Variants in FNDC3B observed in about 807,000 individuals in gnomAD.
FNDC3B encodes the protein fibronectin type III domain-containing protein 3B.
Under a neutral mutation model 151.5 loss-of-function variants are expected in FNDC3B, and 12 were observed. The ratio of observed to expected loss-of-function variants is 0.08; its 90% CI spans 0.05 to 0.13. FNDC3B has a LOEUF of 0.13. FNDC3B is among the 10% of genes least tolerant of loss of function. FNDC3B has a pLI of 1.00. For missense variants in FNDC3B, 1,214 were observed against 1,505.3 expected (o/e 0.81, Z 3.20); for synonymous variants, 528 against 549.0 (o/e 0.96, Z 0.54).
chr3:172,330,951 A>G (rs1231476021), intron 13 of FNDC3B, among the ~76,000 whole-genome samples: 4 of 151,746 alleles, frequency 2.6e-5, no homozygotes, highest in Admixed American at 2.6e-4. Flanking sequence ...CCTATATATA[A>G]TCAGAAAATC....
intron 23 of FNDC3B, among the ~76,000 whole-genome samples, chr3:172,373,357 G>A (rs185211387): frequency 3.3e-5 from 5 of 152,300 alleles, no homozygotes; most frequent in African/African-American, 1.2e-4. Context: ...TGGCTGTGGT[G>A]TGATGTCCTA....
chr3:172,293,254 C>A (rs1730432993), intron 7 of FNDC3B, among the ~76,000 whole-genome samples: 2 of 151,938 alleles, frequency 1.3e-5, no homozygotes, highest in Non-Finnish European at 2.9e-5. Flanking sequence ...AGCTAAGTCC[C>A]AGGGGTGTGA....
At chr3:172,066,697 G>GCT (rs1320303153) in intron 1 of FNDC3B, among the ~76,000 whole-genome samples, 1 of 152,186 alleles carries the variant, frequency 6.6e-6, no homozygotes, top group Non-Finnish European at 1.5e-5. Context: ...GGAGTTAGAA[G>GCT]AACATTAACA....
chr3:172,382,984 G>T (rs1203481708), intron 25 of FNDC3B, among the ~76,000 whole-genome samples: 1 of 152,110 alleles, frequency 6.6e-6, no homozygotes, highest in Non-Finnish European at 1.5e-5. Flanking sequence ...ACTTAAAGTA[G>T]GTTTTTTCTG....
intron 1 of FNDC3B, among the ~76,000 whole-genome samples, chr3:172,079,280 T>C (rs1368726675): frequency 6.6e-6 from 1 of 152,168 alleles, no homozygotes; most frequent in African/African-American, 2.4e-5. Flanking sequence ...AAAATAAATG[T>C]GTATTAAGTC....
At chr3:172,278,310 C>T (rs1466203691) in intron 6 of FNDC3B, among the ~76,000 whole-genome samples, 1 of 151,842 alleles carries the variant, frequency 6.6e-6, no homozygotes, top group African/African-American at 2.4e-5. Context: ...CGTTTGTAGA[C>T]TCCCATGCAA....
intron 6 of FNDC3B, among the ~76,000 whole-genome samples, chr3:172,279,977 C>T (rs748037260): frequency 1.6e-4 from 25 of 152,070 alleles, no homozygotes; most frequent in Non-Finnish European, 2.5e-4. Flanking sequence ...GCAGTGGCGC[C>T]ATCTCAGCTC....
chr3:172,247,863 A>G (rs552338875), intron 5 of FNDC3B, 87 bp downstream of exon 5: 17 of 1,435,306 alleles, frequency 1.2e-5, no homozygotes, highest in African/African-American at 1.1e-4. Context: ...TTCTTGTGAA[A>G]TAAGCATAGT....
At chr3:172,382,443 C>T (rs539168644) in intron 25 of FNDC3B, among the ~76,000 whole-genome samples, 1 of 152,058 alleles carries the variant, frequency 6.6e-6, no homozygotes, top group African/African-American at 2.4e-5. Context: ...ATGATAGTTT[C>T]TTTGCTGTGC....
intron 17 of FNDC3B, among the ~76,000 whole-genome samples, chr3:172,342,184 G>C (rs1733359443): frequency 1.3e-5 from 2 of 152,316 alleles, no homozygotes; most frequent in South Asian, 4.1e-4. Flanking sequence ...GATGGTACTA[G>C]GGCATCTAGA....
intron 1 of FNDC3B, among the ~76,000 whole-genome samples, chr3:172,073,977 GTCTGAATTTAGGAGAATGTTGAGTTGCA>G (rs1186421346): frequency 6.6e-6 from 1 of 152,114 alleles, no homozygotes; most frequent in Non-Finnish European, 1.5e-5. Flanking sequence ...CAGGTCATTT[GTCTGAATTTAGGAGAATGTTGAGTTGCA>G]TCTTCAAGAA....
chr3:172,338,720 GGTTTTGTTTTGTTTT>G (rs548549672), intron 16 of FNDC3B, among the ~76,000 whole-genome samples: 3 of 152,020 alleles, frequency 2.0e-5, no homozygotes, highest in Non-Finnish European at 2.9e-5. Flanking sequence ...TAACTATTAA[GGTTTTGTTTTGTTTT>G]GTTTTGTTTT....
At chr3:172,108,853 T>C (rs974834238) in intron 1 of FNDC3B, among the ~76,000 whole-genome samples, 1 of 152,240 alleles carries the variant, frequency 6.6e-6, no homozygotes, top group African/African-American at 2.4e-5. Flanking sequence ...CTCTAGTCTG[T>C]TTTCTATGGA....
intron 3 of FNDC3B, among the ~76,000 whole-genome samples, chr3:172,166,063 A>G (rs1722985948): frequency 6.6e-6 from 1 of 152,122 alleles, no homozygotes; most frequent in African/African-American, 2.4e-5. Flanking sequence ...TAATAAATAT[A>G]TTGACAATTT....
chr3:172,366,857 T>C (rs1033732087), intron 23 of FNDC3B, among the ~76,000 whole-genome samples: 1 of 152,152 alleles, frequency 6.6e-6, no homozygotes, highest in Non-Finnish European at 1.5e-5. Flanking sequence ...AGACTTGAGA[T>C]AGGATGGAAA....
chr3:172,158,647 TG>T (rs1380738189), intron 3 of FNDC3B, among the ~76,000 whole-genome samples: 1 of 152,240 alleles, frequency 6.6e-6, no homozygotes, highest in Non-Finnish European at 1.5e-5. Flanking sequence ...TTTTTCATTT[TG>T]ATGACATCCA....
chr3:172,170,764 T>A (rs1390861534), intron 3 of FNDC3B, among the ~76,000 whole-genome samples: 9 of 152,238 alleles, frequency 5.9e-5, no homozygotes, highest in Admixed American at 5.2e-4. Flanking sequence ...AGATGAAACA[T>A]GTTTTGTAAA....
chr3:172,144,670 C>T (rs1246684335), intron 3 of FNDC3B, among the ~76,000 whole-genome samples: 1 of 151,784 alleles, frequency 6.6e-6, no homozygotes, highest in East Asian at 1.9e-4. Context: ...TAATTGGACA[C>T]ACATTAAGAG....
chr3:172,071,346 A>G (rs1382015329), intron 1 of FNDC3B, among the ~76,000 whole-genome samples: 1 of 152,216 alleles, frequency 6.6e-6, no homozygotes, highest in Admixed American at 6.5e-5. Context: ...CCATTCAAGC[A>G]AAGTATTTGC....
Sources: gnomAD v4.1 joint callset for allele counts (sites outside exome capture counted in the v4.1 genomes callset) on GRCh38, gnomAD v4.1.1 for gene constraint, MANE v1.5 for transcripts, NCBI Gene and HGNC (gene_info 2026-07-23, HGNC 2026-07-21) for gene names.